The following RIPOR2 variants were observed in gnomAD, a reference collection of about 807,000 sequenced individuals.
RIPOR2 encodes rho family-interacting cell polarization regulator 2.
RIPOR2 carries 39 observed loss-of-function variants against 114.5 expected under a neutral mutation model. The observed-to-expected ratio is 0.34, with a 90% CI of 0.26 to 0.44. The LOEUF (loss-of-function observed/expected upper bound fraction) is 0.44. Ranked by LOEUF, RIPOR2 falls within the 20% of genes least tolerant of loss-of-function variation. The pLI is 1.00. For missense variants in RIPOR2, 1,007 were observed against 1,255.1 expected (o/e 0.80, Z 2.99); for synonymous variants, 445 against 484.4 (o/e 0.92, Z 1.07).
intron 19 of RIPOR2, among the ~76,000 whole-genome samples, chr6:24,821,276 G>A (rs552524718): frequency 7.4e-5 from 11 of 148,788 alleles, no homozygotes; most frequent in South Asian, 2.1e-4. Flanking sequence ...TCTGCCTCCC[G>A]GGTTCAAGCG....
At chr6:24,986,745 T>G (rs1450339356) in intron 1 of RIPOR2, among the ~76,000 whole-genome samples, 2 of 152,250 alleles carry the variant, frequency 1.3e-5, no homozygotes, top group Middle Eastern at 6.8e-3. Flanking sequence ...GCTGGAGATA[T>G]GTAGTCTGGA....
At chr6:24,872,224 T>C (rs1244323771) in intron 4 of RIPOR2, among the ~76,000 whole-genome samples, 1 of 152,154 alleles carries the variant, frequency 6.6e-6, no homozygotes, top group Non-Finnish European at 1.5e-5. Flanking sequence ...ATAGAAGAAA[T>C]TTGCAACATA....
At chr6:25,020,315 A>G (rs1364704953) in intron 1 of RIPOR2, among the ~76,000 whole-genome samples, 2 of 152,268 alleles carry the variant, frequency 1.3e-5, no homozygotes, top group Admixed American at 1.3e-4. Context: ...TGATTTAGTT[A>G]GAGAATGAAA....
intron 1 of RIPOR2, among the ~76,000 whole-genome samples, chr6:25,021,065 G>A (rs978120939): frequency 6.6e-6 from 1 of 152,068 alleles, no homozygotes; most frequent in South Asian, 2.1e-4. Flanking sequence ...CACTGTGTTG[G>A]CCAGGCTGGT....
intron 1 of RIPOR2, among the ~76,000 whole-genome samples, chr6:24,971,233 A>G (rs1773776228): frequency 6.6e-6 from 1 of 152,240 alleles, no homozygotes. Flanking sequence ...GCATGGGTTT[A>G]TGGGCAACAA....
chr6:25,012,621 C>T (rs1775818693), intron 1 of RIPOR2, among the ~76,000 whole-genome samples: 1 of 152,072 alleles, frequency 6.6e-6, no homozygotes, highest in Non-Finnish European at 1.5e-5. Flanking sequence ...ACAAATCAGA[C>T]ACAAAATGTT....
At chr6:24,933,659 C>T (rs776163845) in intron 1 of RIPOR2, among the ~76,000 whole-genome samples, 1 of 152,188 alleles carries the variant, frequency 6.6e-6, no homozygotes, top group Non-Finnish European at 1.5e-5. Flanking sequence ...AAACATTATG[C>T]ATCTACTATG....
upstream of RIPOR2, among the ~76,000 whole-genome samples, chr6:24,940,198 C>G (rs2114174483): frequency 1.3e-5 from 2 of 152,098 alleles, no homozygotes; most frequent in East Asian, 3.9e-4. Flanking sequence ...TAAAATATTT[C>G]TGCATAGTTT....
chr6:24,936,415 T>C (rs1771812474), upstream of RIPOR2, among the ~76,000 whole-genome samples: 1 of 152,222 alleles, frequency 6.6e-6, no homozygotes, highest in Admixed American at 6.5e-5. Context: ...TGCTCAGTAA[T>C]AGTTGCATTT....
chr6:24,920,658 C>T (rs569358688), intron 1 of RIPOR2, among the ~76,000 whole-genome samples: 3 of 152,272 alleles, frequency 2.0e-5, no homozygotes, highest in South Asian at 2.1e-4. Flanking sequence ...CCTGAATGTT[C>T]GCTATTCTGA....
intron 1 of RIPOR2, among the ~76,000 whole-genome samples, chr6:24,931,467 G>C (rs557808758): frequency 5.6e-4 from 86 of 152,306 alleles, no homozygotes; most frequent in African/African-American, 2.0e-3. Context: ...AGAGCAACAG[G>C]CAGCTAATGG....
chr6:25,021,108 C>T (rs1776298553), intron 1 of RIPOR2, among the ~76,000 whole-genome samples: 1 of 152,170 alleles, frequency 6.6e-6, no homozygotes, highest in East Asian at 1.9e-4. Flanking sequence ...ATCCACCCAC[C>T]TCGGCCTCCC....
At chr6:24,906,095 TATC>T (rs1411910104) in intron 1 of RIPOR2, among the ~76,000 whole-genome samples, 1 of 151,614 alleles carries the variant, frequency 6.6e-6, no homozygotes, top group African/African-American at 2.4e-5. Context: ...CTTGTTCTAG[TATC>T]ATCATCATTA....
chr6:24,948,052 C>G (rs583456), intron 1 of RIPOR2: 118,350 of 152,030 alleles, frequency 0.78, 46,564 homozygotes, highest in African/African-American at 0.88. Context: ...GAGACTGTCT[C>G]AACTATTTTA....
chr6:24,990,337 T>A (rs755409455), intron 1 of RIPOR2, among the ~76,000 whole-genome samples: 1 of 152,226 alleles, frequency 6.6e-6, no homozygotes, highest in Non-Finnish European at 1.5e-5. Flanking sequence ...GTGCTTCTAA[T>A]GATGTAGAAA....
chr6:24,960,212 G>T (rs1581877096), intron 1 of RIPOR2, among the ~76,000 whole-genome samples: 2 of 152,278 alleles, frequency 1.3e-5, no homozygotes, highest in East Asian at 3.9e-4. Flanking sequence ...TCCTGAGACT[G>T]GGTAATTTAT....
chr6:24,916,392 C>T (rs1430395080), intron 1 of RIPOR2, among the ~76,000 whole-genome samples: 2 of 152,186 alleles, frequency 1.3e-5, no homozygotes, highest in African/African-American at 2.4e-5. Flanking sequence ...ATACACTTCT[C>T]CTCATTGGTT....
intron 5 of RIPOR2, 78 bp from the exon 6 acceptor site, chr6:24,869,225 T>C (rs1764920441): frequency 1.5e-6 from 1 of 671,644 alleles, no homozygotes; most frequent in South Asian, 1.9e-5. Flanking sequence ...ATCTTGATTA[T>C]ATCATACTCA....
intron 1 of RIPOR2, among the ~76,000 whole-genome samples, chr6:24,879,357 C>T (rs1016602316): frequency 3.3e-5 from 5 of 152,238 alleles, no homozygotes; most frequent in East Asian, 1.9e-4. Flanking sequence ...AAAAAAGAAC[C>T]GAGAAACTTT....
Sources: allele counts gnomAD v4.1 joint callset (sites outside exome capture counted in the v4.1 genomes callset), GRCh38; gene constraint gnomAD v4.1.1; transcripts MANE v1.5; gene names NCBI Gene and HGNC (gene_info 2026-07-23, HGNC 2026-07-21).